The following THSD4 variants were observed in gnomAD, a reference collection of about 807,000 sequenced individuals.
THSD4 encodes the protein thrombospondin type-1 domain-containing protein 4.
In THSD4, 69 loss-of-function variants were observed where a neutral mutation model predicts 119.0. The observed-to-expected ratio is 0.58, with a 90% CI of 0.48 to 0.71. The LOEUF is 0.71. THSD4 is among the 30% of genes least tolerant of loss of function. The pLI, the probability that THSD4 is intolerant of heterozygous loss-of-function variation, is 0.00. For synonymous variants in THSD4, 524 were observed against 540.4 expected, an observed-to-expected ratio of 0.97 and a Z score of 0.42; for missense variants, 1,393 against 1,391.1, an observed-to-expected ratio of 1.00 and a Z score of -0.02.
Position 71,768,561 on chromosome 15 carries a change from T to TTG in THSD4, c.2770-2502_2770-2501insGT, listed in dbSNP as rs1491196480. 1.3e-3 allele frequency among the ~76,000 whole-genome samples: 40 copies of TTG among 30,618 alleles called. No individual in the cohort carries two copies. In the South Asian group the frequency reaches 0.033, roughly 25 times the overall value. The allele number at this position is 30,618 out of a possible 152,430, so 20.1% of individuals were successfully genotyped here. A position where few individuals can be genotyped will look rare whatever the true frequency, so the allele number is the denominator to read the frequency against. On this transcript the variant is annotated intron_variant, in intron 16 of 17. Coordinates refer to ENST00000261862, the MANE Select transcript of THSD4 (RefSeq NM_024817.3). ...CTTGCAGACCTGACGCAGATCCTGA[T>TTG]TTTTTTTTTTTTTTTTTTTTTTTGA...
intron 8 of THSD4, among the ~76,000 whole-genome samples, chr15:71,723,248 G>T (rs1183692666): frequency 6.6e-6 from 1 of 152,108 alleles, no homozygotes; most frequent in Non-Finnish European, 1.5e-5. Flanking sequence ...CAATATGGCT[G>T]AGTCTGTTTA....
chr15:71,366,929 T>A (rs969666883), intron 6 of THSD4, among the ~76,000 whole-genome samples: 1 of 152,200 alleles, frequency 6.6e-6, no homozygotes, highest in African/African-American at 2.4e-5. Flanking sequence ...ACCCTGACCC[T>A]TCTCCTTGGC....
chr15:71,316,245 A>G (rs2045184970), intron 6 of THSD4, among the ~76,000 whole-genome samples: 1 of 152,154 alleles, frequency 6.6e-6, no homozygotes, highest in Non-Finnish European at 1.5e-5. Context: ...ACTTCTGCTA[A>G]ACAGCCCCTC....
At chr15:71,764,631 A>C (rs2141208016) in intron 15 of THSD4, among the ~76,000 whole-genome samples, 1 of 152,344 alleles carries the variant, frequency 6.6e-6, no homozygotes, top group East Asian at 1.9e-4. Flanking sequence ...AATAACAGAT[A>C]AGAATGTCAG....
chr15:71,724,518 C>G (rs2052796904), intron 8 of THSD4, among the ~76,000 whole-genome samples: 3 of 151,462 alleles, frequency 2.0e-5, no homozygotes, highest in Admixed American at 1.3e-4. Flanking sequence ...ATCTCCTGAC[C>G]TCGTGATCCG....
intron 7 of THSD4, among the ~76,000 whole-genome samples, chr15:71,459,163 T>TTTTTTTC (rs2047382611): frequency 9.5e-6 from 1 of 105,090 alleles, no homozygotes; most frequent in South Asian, 4.2e-4. Flanking sequence ...TTTTTTTCTT[T>TTTTTTTC]TTTTTTTTTT....
chr15:71,410,890 C>G (rs1431225499), intron 6 of THSD4, among the ~76,000 whole-genome samples: 1 of 152,036 alleles, frequency 6.6e-6, no homozygotes. Flanking sequence ...CACACACACA[C>G]ACACAAAATT....
At chr15:71,588,505 C>A (rs1431858655) in intron 7 of THSD4, among the ~76,000 whole-genome samples, 1 of 151,982 alleles carries the variant, frequency 6.6e-6, no homozygotes. Context: ...CTTACCACAG[C>A]CTCGACCTCC....
chr15:71,668,549 G>GCA (rs537552960), intron 8 of THSD4, among the ~76,000 whole-genome samples: 288 of 152,248 alleles, frequency 1.9e-3, no homozygotes, highest in Non-Finnish European at 3.1e-3. Flanking sequence ...CCCACTCCCA[G>GCA]CACACACACA....
intron 7 of THSD4, among the ~76,000 whole-genome samples, chr15:71,630,446 G>A (rs920311015): frequency 6.6e-6 from 1 of 152,138 alleles, no homozygotes; most frequent in Admixed American, 6.6e-5. Context: ...CCAATTTTGG[G>A]GTTTCTTGTC....
intron 6 of THSD4, among the ~76,000 whole-genome samples, chr15:71,356,654 A>T (rs199978037): frequency 1.8e-3 from 197 of 110,822 alleles, no homozygotes; most frequent in Middle Eastern, 5.6e-3. Flanking sequence ...CAGGGGTACT[A>T]ACTGTTTTAT....
chr15:71,219,438 T>C (rs1254541439), intron 4 of THSD4, among the ~76,000 whole-genome samples: 4 of 152,074 alleles, frequency 2.6e-5, no homozygotes, highest in Admixed American at 2.6e-4. Context: ...TGCCGTGGAG[T>C]GGGTGGCTTG....
chr15:71,659,387 T>G (rs1271112285), intron 7 of THSD4, among the ~76,000 whole-genome samples: 3 of 152,174 alleles, frequency 2.0e-5, no homozygotes, highest in Admixed American at 6.5e-5. Flanking sequence ...TAGAAAAAGA[T>G]TTTGTGAAGA....
At chr15:71,656,347 C>G (rs762763399) in intron 7 of THSD4, among the ~76,000 whole-genome samples, 1 of 152,080 alleles carries the variant, frequency 6.6e-6, no homozygotes, top group Non-Finnish European at 1.5e-5. Flanking sequence ...TCATTTTAAA[C>G]TTCTTATGAG....
intron 7 of THSD4, among the ~76,000 whole-genome samples, chr15:71,412,119 C>T (rs138171505): frequency 6.6e-6 from 1 of 152,286 alleles, no homozygotes; most frequent in East Asian, 1.9e-4. Flanking sequence ...ATCTGGAGCT[C>T]CTTCTTTGCC....
chr15:71,704,017 T>G (rs925523627), intron 8 of THSD4, among the ~76,000 whole-genome samples: 3 of 151,978 alleles, frequency 2.0e-5, no homozygotes, highest in Non-Finnish European at 4.4e-5. Context: ...GCCCGGCTAA[T>G]TTTTGTGTTT....
intron 4 of THSD4, among the ~76,000 whole-genome samples, chr15:71,227,478 G>A (rs558311459): frequency 5.3e-5 from 8 of 152,204 alleles, no homozygotes; most frequent in African/African-American, 1.4e-4. Flanking sequence ...GGAATTTCCC[G>A]CATGTGGGGG....
chr15:71,196,894 G>A (rs1567153763), intron 3 of THSD4, among the ~76,000 whole-genome samples: 1 of 152,148 alleles, frequency 6.6e-6, no homozygotes, highest in East Asian at 1.9e-4. Flanking sequence ...GGAGGAGTTG[G>A]TTCCAGGTGG....
chr15:71,759,188 G>A (rs907526392), intron 15 of THSD4, among the ~76,000 whole-genome samples: 7 of 152,126 alleles, frequency 4.6e-5, no homozygotes, highest in African/African-American at 1.7e-4. Flanking sequence ...TCAATGTAGA[G>A]TTTTTATGCA....
Sources: gnomAD v4.1 joint callset for allele counts (sites outside exome capture counted in the v4.1 genomes callset) on GRCh38, gnomAD v4.1.1 for gene constraint, MANE v1.5 for transcripts, NCBI Gene and HGNC (gene_info 2026-07-23, HGNC 2026-07-21) for gene names.